RSAD1: variants seen among roughly 807,000 people sequenced by gnomAD.
RSAD1 encodes radical S-adenosyl methionine domain containing 1, also known as radical S-adenosyl methionine domain-containing protein 1, mitochondrial.
In RSAD1, 34 loss-of-function variants were observed where a neutral mutation model predicts 46.2. The observed-to-expected ratio is 0.74, with a 90% confidence interval of 0.56 to 0.98. RSAD1 has a LOEUF of 0.98. Among genes scored for constraint, RSAD1 ranks in the 50% least tolerant of loss-of-function variants. The pLI is 0.00. For synonymous variants in RSAD1, 260 were observed against 253.5 expected (o/e 1.03, Z -0.24); for missense variants, 635 against 592.3 (o/e 1.07, Z -0.75).
At chr17:50,481,209 G>A (rs778417594) in intron 3 of RSAD1, among the ~76,000 whole-genome samples, 1 of 152,226 alleles carries the variant, frequency 6.6e-6, no homozygotes, top group South Asian at 2.1e-4. Flanking sequence ...CCTGACTGGG[G>A]AGGAAGGAGG....
chr17:50,481,371 C>A (rs1313871899), intron 3 of RSAD1, among the ~76,000 whole-genome samples: 1 of 152,240 alleles, frequency 6.6e-6, no homozygotes, highest in East Asian at 1.9e-4. Context: ...AGGAAATACA[C>A]ACCTAAGTAT....
chr17:50,481,235 A>G (rs574233598), intron 3 of RSAD1, among the ~76,000 whole-genome samples: 1 of 152,278 alleles, frequency 6.6e-6, no homozygotes, highest in South Asian at 2.1e-4. Flanking sequence ...ACTACAGTAG[A>G]TGTTATTGGG....
chr17:50,482,745 G>T, intron 5 of RSAD1, 39 bp downstream of exon 5: 1 of 1,590,206 alleles, frequency 6.3e-7, no homozygotes, highest in South Asian at 1.1e-5. Flanking sequence ...ACTCAGGAGA[G>T]GAATGTCGTG....
rs759265361 is a variant in RSAD1 at position 50,483,541 on chromosome 17, A to G, written c.1052+54A>G. ...TCCAGGATCCCCACACCCCAAGACC[A>G]TGTCTATTTGTATATCTTTTATTTC... On this transcript the variant is annotated intron_variant, in intron 6 of 8. Coordinates refer to ENST00000258955, the MANE Select transcript of RSAD1 (RefSeq NM_018346.3). 2.3e-5 allele frequency: 36 copies of G among 1,599,222 alleles called. No individual in the cohort carries two copies. The Middle Eastern group carries it at 2.2e-3, about 96-fold the overall frequency.
chr17:50,479,298 C>A, intron 1 of RSAD1: 1 of 474,216 alleles, frequency 2.1e-6, no homozygotes, highest in Non-Finnish European at 3.7e-6. Context: ...TTCTTAAGAG[C>A]AGTGTTCTGA....
intron 7 of RSAD1, 154 bp downstream of exon 7, chr17:50,483,914 A>C: frequency 1.5e-6 from 1 of 689,066 alleles, no homozygotes; most frequent in South Asian, 2.0e-5. Flanking sequence ...CCTGATGGGC[A>C]GAAGCAGTGA....
In RSAD1 at chr17:50,478,917, G is replaced by C. The variant is rs2033343803; in HGVS notation, c.33G>C (p.Trp11Cys). Reference sequence around the variant, plus strand: ...TCCCCGGAGCCCGGGCTCGCGGCTGGGCGGCAGCAGCCAGAGCGGCCCAGA... The same window carrying C: ...TCCCCGGAGCCCGGGCTCGCGGCTGCGCGGCAGCAGCCAGAGCGGCCCAGA... MALPGARARG[W>C]AAAARAAQRR... Residue 11 changes from tryptophan (W) to cysteine (C), a missense_variant, in exon 1 of 9, where the codon TGG becomes TGC. By Grantham distance (215) the Trp-to-Cys change is radical. Coordinates refer to ENST00000258955, the MANE Select transcript of RSAD1 (RefSeq NM_018346.3). 1 of 1,335,260 alleles carries C rather than the reference G, an allele frequency of 7.5e-7. No homozygotes were observed. Among genetic ancestry groups the C allele is most frequent in the African/African-American group, 1.5e-5 (1 of 65,100 alleles). The allele number at this position is 1,335,260 out of a possible 1,614,324, so 82.7% of individuals were successfully genotyped here.
intron 3 of RSAD1, among the ~76,000 whole-genome samples, chr17:50,481,490 T>G (rs2033379443): frequency 6.6e-6 from 1 of 152,240 alleles, no homozygotes; most frequent in South Asian, 2.1e-4. Context: ...TTCACTTAAA[T>G]TTAAATAACC....
intron 8 of RSAD1, 41 bp downstream of exon 8, chr17:50,484,586 C>A: frequency 6.3e-7 from 1 of 1,592,146 alleles, no homozygotes; most frequent in Non-Finnish European, 8.6e-7. Flanking sequence ...TGAGGCATAC[C>A]AGGGAGCCCT....
Position 50,479,765 on chromosome 17 carries a change from G to A in RSAD1, c.269+3G>A. 2 of 1,605,022 alleles carry A rather than the reference G, an allele frequency of 1.2e-6. No homozygotes were observed. The highest frequency in any genetic ancestry group is 1.7e-6 in the Non-Finnish European group (2 of 1,175,012). ...CTGCGGCTCAGCGGGGTGCAACGGT[G>A]GGTAGTGGGGGCTGTAGGCAGCGTT... On this transcript the variant is annotated splice_donor_region_variant and intron_variant, in intron 2 of 8. Coordinates refer to ENST00000258955, the MANE Select transcript of RSAD1 (RefSeq NM_018346.3).
Position 50,484,489 on chromosome 17 carries a change from A to G in RSAD1, c.1155A>G (p.Gly385=), listed in dbSNP as rs773898997. The part of the protein sequence containing the change: ...EPQLTLWDVF[G]ANKEVQELLE... ...AGCTGACCCTGTGGGATGTGTTTGG[A>G]GCGAACAAGGAGGTGCAGGAGCTGC... The change falls in exon 8 of 9, where the codon GGA becomes GGG. Residue 385 remains glycine, a synonymous_variant. Transcript: ENST00000258955. 5.8e-5 allele frequency: 94 copies of G among 1,613,526 alleles called. No homozygotes were observed. The highest frequency in any genetic ancestry group is 7.7e-5 in the Non-Finnish European group (91 of 1,179,988).
intron 1 of RSAD1, chr17:50,479,373 T>C (rs537611741): frequency 3.9e-6 from 2 of 516,872 alleles, no homozygotes; most frequent in South Asian, 5.6e-5. Context: ...CAGAAAGAGC[T>C]TGGGTTGAAT....
intron 2 of RSAD1, 35 bp from the exon 3 acceptor site, chr17:50,479,844 TC>T: frequency 2.5e-6 from 4 of 1,596,398 alleles, no homozygotes; most frequent in Non-Finnish European, 3.4e-6. Context: ...CCCAGAGGGC[TC>T]CCCCAGGTCT....
In RSAD1 at chr17:50,484,895, G is replaced by A. The variant is rs1175193075; in HGVS notation, c.*34G>A. 3.1e-6 allele frequency: 5 copies of A among 1,588,270 alleles called. No individual in the cohort carries two copies. The highest frequency in any genetic ancestry group is 1.3e-5 in the African/African-American group (1 of 74,500). ...TTCCTGTGTTCCAGGGTAATGCCAG[G>A]TGGGTTTTGAGAGCTGGGTCGGTAC... On this transcript the variant is annotated 3_prime_UTR_variant, in exon 9 of 9. Coordinates refer to ENST00000258955, the MANE Select transcript of RSAD1 (RefSeq NM_018346.3).
rs777398658 is a variant in RSAD1, at chr17:50,478,992, G to C, written c.108G>C (p.Ala36=). ...GAGGGTCCCCGAGTCCTGAGCCTGC[G>C]GGCCGGCGCGCGGCGCTTTACGTAC... ...NAGGSPSPEP[A]GRRAALYVHW... Residue 36 remains alanine (A), a synonymous_variant, in exon 1 of 9, where the codon GCG becomes GCC. Transcript: ENST00000258955. The C allele has an allele frequency of 3.6e-6, 5 of 1,378,938 alleles. No individual in the cohort carries two copies. The highest frequency in any genetic ancestry group is 4.7e-6 in the Non-Finnish European group (5 of 1,072,434). 85.4% of individuals were successfully genotyped at this position (1,378,938 alleles called of 1,614,324 possible).
intron 5 of RSAD1, among the ~76,000 whole-genome samples, chr17:50,483,042 AAAAAAG>A (rs1408317750): frequency 1.3e-5 from 2 of 151,528 alleles, no homozygotes; most frequent in African/African-American, 4.9e-5. Context: ...ATGATTAAAA[AAAAAAG>A]AAAAAGAAAA....
intron 5 of RSAD1, 35 bp from the exon 6 acceptor site, chr17:50,483,305 G>T: frequency 1.9e-6 from 3 of 1,607,328 alleles, no homozygotes; most frequent in Non-Finnish European, 2.6e-6. Context: ...AGTATTAACA[G>T]CCATTAATGT....
rs900579003 is a variant in RSAD1 at position 50,484,512 on chromosome 17, T to A, written c.1178T>A (p.Leu393Gln). 5 of 1,613,556 alleles carry A rather than the reference T, an allele frequency of 3.1e-6. No individual in the cohort carries two copies. The highest frequency in any genetic ancestry group is 3.4e-6 in the Non-Finnish European group (4 of 1,180,020). ...VFGANKEVQE[L>Q]LERGLLQLDH... ...GGAGCGAACAAGGAGGTGCAGGAGCTGCTGGAGCGGGGCCTACTGCAGCTG... is the reference window on the plus strand; with the variant it reads ...GGAGCGAACAAGGAGGTGCAGGAGCAGCTGGAGCGGGGCCTACTGCAGCTG... The change falls in exon 8 of 9, where the codon CTG becomes CAG. Residue 393 changes from leucine (L) to glutamine (Q), a missense_variant. Coordinates refer to ENST00000258955, the MANE Select transcript of RSAD1 (RefSeq NM_018346.3).
chr17:50,483,666 A>G lies in RSAD1; in HGVS notation c.1053-40A>G, dbSNP rs142823106. The G allele has an allele frequency of 1.8e-5, 29 of 1,607,490 alleles. No homozygotes were observed. In the African/African-American group the frequency reaches 2.9e-4, roughly 16 times the overall value. On this transcript the variant is annotated intron_variant, in intron 6 of 8. Coordinates refer to ENST00000258955, the MANE Select transcript of RSAD1 (RefSeq NM_018346.3). ...AGAATTTGGAGAATGGGAGGAGCAC[A>G]GGCCTCCTCTCTAAGACTCCTTGGT...
Sources: allele counts gnomAD v4.1 joint callset (sites outside exome capture counted in the v4.1 genomes callset), GRCh38; gene constraint gnomAD v4.1.1; transcripts MANE v1.5; gene names NCBI Gene and HGNC (gene_info 2026-07-23, HGNC 2026-07-21).